The following NUP85 variants were observed in gnomAD, a reference collection of about 807,000 sequenced individuals.
NUP85 encodes the protein nuclear pore complex protein Nup85.
In NUP85, 23 loss-of-function variants were observed where a neutral mutation model predicts 92.8. The ratio of observed to expected loss-of-function variants is 0.25; its 90% CI spans 0.18 to 0.35. NUP85 has a LOEUF of 0.35. NUP85 is among the 10% of genes least tolerant of loss of function. The pLI, the probability that NUP85 is intolerant of heterozygous loss-of-function variation, is 1.00. For missense variants in NUP85, 759 were observed against 822.8 expected, an observed-to-expected ratio of 0.92 and a Z score of 0.95; for synonymous variants, 314 against 306.9, an observed-to-expected ratio of 1.02 and a Z score of -0.24.
In NUP85 at chr17:75,231,792, C is replaced by A; in HGVS notation, c.1245-36C>A. 6.2e-7 allele frequency: 1 copy of A among 1,611,750 alleles called. No individual in the cohort carries two copies. Among genetic ancestry groups the A allele is most frequent in the Non-Finnish European group, 8.5e-7 (1 of 1,178,324 alleles). On this transcript the variant is annotated intron_variant, in intron 13 of 18. Coordinates refer to ENST00000245544, the MANE Select transcript of NUP85 (RefSeq NM_024844.5). This position sits in a 1 kb window ranked among gnomAD's most constrained non-coding sequence, Gnocchi z 4.6. ...GGTGCCAGTCCTCGGAGCCATGAGG[C>A]AGCACCTCATGTCTGTCCTCCTCGA...
chr17:75,235,667 G>A lies in NUP85; in HGVS notation c.1959G>A (p.Leu653=). 6.2e-7 allele frequency: 1 copy of A among 1,612,972 alleles called. No individual in the cohort carries two copies. The highest frequency in any genetic ancestry group is 8.5e-7 in the Non-Finnish European group (1 of 1,178,906). ...GGGCAATTATAAGAGAAGGCTCACT[G>A]GAAGGTTCCTGAGAACTGCTTCAAT... The part of the protein sequence containing the change: ...LARAIIREGS[L]EGS Residue 653 remains leucine, a synonymous_variant, in exon 19 of 19, where the codon CTG becomes CTA. Transcript: ENST00000245544.
At chr17:75,208,464 AAT>A in intron 1 of NUP85, 61 bp from the exon 2 acceptor site, 1 of 818,764 alleles carries the variant, frequency 1.2e-6, no homozygotes, top group East Asian at 2.5e-5. Context: ...AAAAAAAAAG[AAT>A]GGAACAACTT....
intron 9 of NUP85, 115 bp from the exon 10 acceptor site, chr17:75,225,583 A>G (rs1166239359): frequency 3.2e-6 from 5 of 1,571,376 alleles, no homozygotes; most frequent in East Asian, 2.2e-5. Flanking sequence ...CTCTGCCGTG[A>G]TGGCGAGAGC....
chr17:75,235,365 C>G, intron 18 of NUP85, 164 bp downstream of exon 18: 1 of 621,444 alleles, frequency 1.6e-6, no homozygotes, highest in Non-Finnish European at 2.8e-6. Context: ...AGGAGAAAAT[C>G]AGGGATTCTA....
chr17:75,233,432 T>C (rs1218758485), intron 16 of NUP85, among the ~76,000 whole-genome samples: 3 of 29,460 alleles, frequency 1.0e-4, no homozygotes, highest in Non-Finnish European at 1.8e-4. Context: ...TTTCTTTTAT[T>C]TTTTCTTTTT....
intron 18 of NUP85, 49 bp downstream of exon 18, chr17:75,235,250 C>G: frequency 1.5e-6 from 2 of 1,354,378 alleles, no homozygotes; most frequent in Non-Finnish European, 2.1e-6. Context: ...TGGGAAAAGG[C>G]TCCCTCTATC....
chr17:75,207,241 T>A (rs1408223018), intron 1 of NUP85, among the ~76,000 whole-genome samples: 3 of 151,482 alleles, frequency 2.0e-5, no homozygotes, highest in Non-Finnish European at 4.4e-5. Flanking sequence ...TAGAGTGCAG[T>A]GGTGCGGTCT....
chr17:75,230,547 G>T (rs1299777031), intron 11 of NUP85, among the ~76,000 whole-genome samples: 1 of 152,072 alleles, frequency 6.6e-6, no homozygotes, highest in Admixed American at 6.6e-5. Flanking sequence ...TTTTTGTAGA[G>T]ATGGGGTTTC....
chr17:75,210,016 C>T, intron 3 of NUP85, 31 bp downstream of exon 3: 1 of 1,574,854 alleles, frequency 6.3e-7, no homozygotes, highest in Non-Finnish European at 8.6e-7. Flanking sequence ...TGTTGAAGCC[C>T]ACACTACACT....
intron 11 of NUP85, among the ~76,000 whole-genome samples, chr17:75,229,550 CAG>C (rs1043142903): frequency 6.6e-5 from 10 of 152,180 alleles, no homozygotes; most frequent in African/African-American, 2.4e-4. Flanking sequence ...GCTGCTCACT[CAG>C]AATCCTTCAG....
In NUP85 at chr17:75,225,810, A is replaced by G. The variant is rs1237086190; in HGVS notation, c.968A>G (p.Asp323Gly). 1.9e-6 allele frequency: 3 copies of G among 1,613,702 alleles called. No individual in the cohort carries two copies. The highest frequency in any genetic ancestry group is 2.5e-6 in the Non-Finnish European group (3 of 1,179,914). Residue 323 changes from aspartate (D) to glycine (G), a missense_variant, in exon 10 of 19, where the codon GAT becomes GGT. Physicochemically the swap from Asp to Gly is moderately conservative, Grantham distance 94. Coordinates refer to ENST00000245544, the MANE Select transcript of NUP85 (RefSeq NM_024844.5). ...TCCAATCCCACAGTAAAACCCATTG[A>G]TCTGCACTACTATGCCCAGGTGAGT... Reference protein sequence around the residue: ...LYSNPTVKPIDLHYYAQSSLD... With the variant: ...LYSNPTVKPIGLHYYAQSSLD...
In NUP85 at chr17:75,235,743, T is replaced by A; in HGVS notation, c.*64T>A. ...ATAGATTTTTTTAAAAGAATAAATG[T>A]TGTTTTGCAAATGTAGGTTCTTAGA... On this transcript the variant is annotated 3_prime_UTR_variant, in exon 19 of 19. Transcript: ENST00000245544. 1.6e-6 allele frequency: 2 copies of A among 1,288,964 alleles called. No individual in the cohort carries two copies. The highest frequency in any genetic ancestry group is 2.2e-6 in the Non-Finnish European group (2 of 896,184). The allele number at this position is 1,288,964 out of a possible 1,614,324, so 79.8% of individuals were successfully genotyped here.
At chr17:75,220,014 C>T (rs1452162781) in intron 7 of NUP85, among the ~76,000 whole-genome samples, 1 of 152,112 alleles carries the variant, frequency 6.6e-6, no homozygotes, top group Non-Finnish European at 1.5e-5. Flanking sequence ...TGGGCTGTCA[C>T]TGAGACTTTA....
chr17:75,216,051 G>C (rs1382049137), intron 6 of NUP85, among the ~76,000 whole-genome samples: 1 of 152,140 alleles, frequency 6.6e-6, no homozygotes, highest in Non-Finnish European at 1.5e-5. Flanking sequence ...ACCCTGACAA[G>C]TACTGAGAAA....
chr17:75,216,266 G>T, intron 6 of NUP85: 1 of 156,054 alleles, frequency 6.4e-6, no homozygotes, highest in African/African-American at 2.4e-5. Context: ...TTTTTCTGTT[G>T]ATCTTTTTTT....
At chr17:75,221,628 G>T (rs535529529) in intron 7 of NUP85, among the ~76,000 whole-genome samples, 1 of 152,200 alleles carries the variant, frequency 6.6e-6, no homozygotes, top group Non-Finnish European at 1.5e-5. Flanking sequence ...TGGGGCTGTT[G>T]TGATCATTAA....
chr17:75,225,493 T>C, intron 9 of NUP85, 29 bp downstream of exon 9: 2 of 1,609,258 alleles, frequency 1.2e-6, no homozygotes, highest in Middle Eastern at 1.7e-4. Context: ...ATTGCATCCA[T>C]GTTGGCTTCC....
At chr17:75,225,296 A>G in intron 8 of NUP85, 46 bp from the exon 9 acceptor site, 1 of 1,612,898 alleles carries the variant, frequency 6.2e-7, no homozygotes. Context: ...CACTAAATAT[A>G]AAGGGTGTGG....
intron 7 of NUP85, among the ~76,000 whole-genome samples, chr17:75,222,200 A>G (rs1039457289): frequency 6.6e-6 from 1 of 152,108 alleles, no homozygotes; most frequent in East Asian, 1.9e-4. Context: ...GCGTGCCACC[A>G]TGTCCAACTA....
Sources: allele counts gnomAD v4.1 joint callset (sites outside exome capture counted in the v4.1 genomes callset), GRCh38; gene constraint gnomAD v4.1.1; non-coding constraint Gnocchi (gnomAD v3.1); transcripts MANE v1.5; gene names NCBI Gene and HGNC (gene_info 2026-07-23, HGNC 2026-07-21).